The following NID1 variants were observed in gnomAD, a reference collection of about 807,000 sequenced individuals.
The protein encoded by NID1 is nidogen 1.
NID1 carries 76 observed loss-of-function variants against 130.6 expected under a neutral mutation model. The observed-to-expected ratio is 0.58, with a 90% CI of 0.48 to 0.70. The LOEUF (loss-of-function observed/expected upper bound fraction) is 0.70. NID1 is among the 30% of genes least tolerant of loss of function. The pLI, the probability that NID1 is intolerant of heterozygous loss-of-function variation, is 0.00. For synonymous variants in NID1, 665 were observed against 675.1 expected (o/e 0.98, Z 0.23); for missense variants, 1,517 against 1,664.8 (o/e 0.91, Z 1.54).
intron 2 of NID1, among the ~76,000 whole-genome samples, chr1:236,046,907 G>A (rs1329253769): frequency 6.6e-6 from 1 of 152,200 alleles, no homozygotes; most frequent in Non-Finnish European, 1.5e-5. Context: ...TGGAGCGGGG[G>A]AAGGGAAGAG....
rs566832177 is a variant in NID1, at chr1:235,983,120, C to T, written c.3056-1338G>A. On this transcript the variant is annotated intron_variant, in intron 15 of 19. Transcript: ENST00000264187. ...AAACTCCTGACCTCAAGTGATCCCCCGCCTTGGCCTCCCAAAGTGTTGGGA... is the reference window on the plus strand; with the variant it reads ...AAACTCCTGACCTCAAGTGATCCCCTGCCTTGGCCTCCCAAAGTGTTGGGA... Among the ~76,000 whole-genome samples the T allele has an allele frequency of 9.2e-5, 14 of 152,316 alleles. 1 individual carries two copies. Among genetic ancestry groups the T allele is most frequent in the South Asian group, 8.3e-4 (4 of 4,830 alleles).
Position 235,981,786 on chromosome 1 carries a change from G to A in NID1, c.3056-4C>T. ...ATACCTTCTGGACTTCCAAGATCTAGAAGTAAACACAGAGCTCCTCTAATT... is the reference window on the plus strand; with the variant it reads ...ATACCTTCTGGACTTCCAAGATCTAAAAGTAAACACAGAGCTCCTCTAATT... On this transcript the variant is annotated splice_region_variant and splice_polypyrimidine_tract_variant and intron_variant, in intron 15 of 19. Transcript: ENST00000264187. The A allele has an allele frequency of 6.2e-7, 1 of 1,600,326 alleles. No individual in the cohort carries two copies. The highest frequency in any genetic ancestry group is 8.5e-7 in the Non-Finnish European group (1 of 1,173,616).
At position 235,993,629 on chromosome 1, in the gene NID1, G is replaced by GC. The variant is rs1558424496; in HGVS notation, c.2755+15dup. 3.3e-6 allele frequency: 5 copies of GC among 1,519,566 alleles called. No individual in the cohort carries two copies. The allele number at this position is 1,519,566 out of a possible 1,614,324, so 94.1% of individuals were successfully genotyped here. A position where few individuals can be genotyped will look rare whatever the true frequency, so the allele number is the denominator to read the frequency against. ...CTTCTCAGGCACACGCCCAAGCACG[G>GC]CCTGCACCCACTTACACGGGGGCGT... On this transcript the variant is annotated intron_variant, in intron 13 of 19. Coordinates refer to ENST00000264187, the MANE Select transcript of NID1 (RefSeq NM_002508.3).
At chr1:236,010,656 C>T (rs978805627) in intron 12 of NID1, among the ~76,000 whole-genome samples, 5 of 152,318 alleles carry the variant, frequency 3.3e-5, no homozygotes, top group South Asian at 2.1e-4. Context: ...CTACTGAACT[C>T]GGCCTTTGTA....
chr1:235,989,919 A>G (rs1039655766), intron 14 of NID1, among the ~76,000 whole-genome samples: 1 of 152,194 alleles, frequency 6.6e-6, no homozygotes, highest in Admixed American at 6.5e-5. Context: ...AGTGGTAGGG[A>G]ACAGGGTGGG....
At chr1:236,014,912 C>G (rs1044687000) in intron 10 of NID1, among the ~76,000 whole-genome samples, 13 of 152,216 alleles carry the variant, frequency 8.5e-5, no homozygotes, top group African/African-American at 3.1e-4. Context: ...ATGTTTTGCA[C>G]ATTTCAATTA....
intron 4 of NID1, among the ~76,000 whole-genome samples, chr1:236,039,701 C>T (rs1022157810): frequency 6.6e-6 from 1 of 152,116 alleles, no homozygotes; most frequent in African/African-American, 2.4e-5. Context: ...TTGACTGTTA[C>T]GAGTGAAGAG....
intron 15 of NID1, 32 bp from the exon 16 acceptor site, chr1:235,981,814 T>C: frequency 6.4e-7 from 1 of 1,564,918 alleles, no homozygotes; most frequent in South Asian, 1.2e-5. Flanking sequence ...CTCTAATTTT[T>C]TTTGTTTTCT....
chr1:236,037,241 G>A (rs996346269), intron 5 of NID1, among the ~76,000 whole-genome samples: 5 of 152,152 alleles, frequency 3.3e-5, no homozygotes, highest in East Asian at 1.9e-4. Flanking sequence ...CTGTAACCAC[G>A]CTATGACTTC....
chr1:236,038,781 T>C (rs1247162499), intron 4 of NID1, among the ~76,000 whole-genome samples: 1 of 122,632 alleles, frequency 8.2e-6, no homozygotes, highest in Non-Finnish European at 1.6e-5. Context: ...ATATATTACC[T>C]ATGCTATATA....
At chr1:236,003,367 C>G (rs991695225) in intron 12 of NID1, among the ~76,000 whole-genome samples, 1 of 152,200 alleles carries the variant, frequency 6.6e-6, no homozygotes, top group African/African-American at 2.4e-5. Context: ...TTGGTCCTGG[C>G]TATGCTACTA....
intron 6 of NID1, among the ~76,000 whole-genome samples, chr1:236,031,083 A>G (rs919949143): frequency 1.3e-5 from 2 of 152,212 alleles, no homozygotes; most frequent in African/African-American, 4.8e-5. Flanking sequence ...AAAAGTAGCA[A>G]ATCTTTTGAG....
rs557083309 is a variant in NID1 at position 236,017,346 on chromosome 1, AG to A, written c.2129-74del. 660 of 1,519,286 alleles carry A rather than the reference AG, an allele frequency of 4.3e-4. 5 individuals carry two copies. The South Asian group carries it at 7.2e-3, about 16-fold the overall frequency. 94.1% of individuals were successfully genotyped at this position (1,519,286 alleles called of 1,614,324 possible). On this transcript the variant is annotated intron_variant, in intron 9 of 19. Transcript: ENST00000264187. ...CAAACATTACTGACTATAATAAAAT[AG>A]CATTGTCACCTAAGAATAGATCAAT...
At chr1:235,992,405 C>T (rs1210244071) in intron 13 of NID1, among the ~76,000 whole-genome samples, 1 of 152,196 alleles carries the variant, frequency 6.6e-6, no homozygotes, top group Non-Finnish European at 1.5e-5. Flanking sequence ...ACCCCCACAG[C>T]CAGTGATATT....
chr1:236,016,895 A>T (rs2102819738), intron 10 of NID1, among the ~76,000 whole-genome samples: 1 of 152,352 alleles, frequency 6.6e-6, no homozygotes, highest in East Asian at 1.9e-4. Context: ...ATAAGAGGCA[A>T]ATGTAATGCA....
intron 4 of NID1, among the ~76,000 whole-genome samples, chr1:236,040,391 G>A (rs1273741056): frequency 6.6e-6 from 1 of 152,094 alleles, no homozygotes; most frequent in East Asian, 1.9e-4. Context: ...ACCCCATCTC[G>A]TCCACAGTTT....
chr1:236,024,862 G>A (rs560684505), intron 8 of NID1, among the ~76,000 whole-genome samples: 3 of 152,168 alleles, frequency 2.0e-5, no homozygotes, highest in Non-Finnish European at 4.4e-5. Flanking sequence ...AGACCGCAGC[G>A]CCAGTGATGC....
intron 14 of NID1, among the ~76,000 whole-genome samples, chr1:235,986,304 G>C (rs779278096): frequency 2.2e-4 from 33 of 152,024 alleles, no homozygotes; most frequent in Non-Finnish European, 3.5e-4. Context: ...AGAAAGTCAT[G>C]GGGAATCTAT....
rs1657381010 is a variant in NID1 at position 235,979,839 on chromosome 1, A to G, written c.3492T>C (p.Tyr1164=). ...FAVTSYGKNL[Y]FTDWKMNSVV... The stretch of plus-strand genomic sequence containing the variant: ...TGACGTACATCTTCCAGTCTGTGAA[A>G]TACAGATTCTTCCCGTAGCTCGTCA... The change falls in exon 18 of 20, where the codon TAT becomes TAC. Residue 1164 remains tyrosine (Y), a synonymous_variant. Transcript: ENST00000264187. The surrounding 1 kb of genome is among the most constrained non-coding windows in gnomAD (Gnocchi z 4.6). 6.2e-7 allele frequency: 1 copy of G among 1,613,870 alleles called. No homozygotes were observed. Among genetic ancestry groups the G allele is most frequent in the East Asian group, 2.2e-5 (1 of 44,886 alleles).
Sources: gnomAD v4.1 joint callset for allele counts (sites outside exome capture counted in the v4.1 genomes callset) on GRCh38, gnomAD v4.1.1 for gene constraint, Gnocchi (gnomAD v3.1) non-coding constraint, MANE v1.5 for transcripts, NCBI Gene and HGNC (gene_info 2026-07-23, HGNC 2026-07-21) for gene names.